The following TSPAN18 variants were observed in gnomAD, a reference collection of about 807,000 sequenced individuals.
TSPAN18 encodes the protein tetraspanin-18.
Under a neutral mutation model 27.3 loss-of-function variants are expected in TSPAN18, and 14 were observed. That is an observed-to-expected ratio of 0.51 (90% CI 0.34 to 0.80). The LOEUF (loss-of-function observed/expected upper bound fraction) is 0.80. TSPAN18 is among the 30% of genes least tolerant of loss of function. The probability of loss-of-function intolerance (pLI) is 0.01; values close to 1 mark genes in which losing one functional copy is unlikely to be tolerated. For synonymous variants in TSPAN18, 143 were observed against 136.5 expected (o/e 1.05, Z -0.33); for missense variants, 268 against 323.9 (o/e 0.83, Z 1.32).
chr11:44,911,830 C>G lies in TSPAN18; in HGVS notation c.258+1931C>G, dbSNP rs1036169520. Among the ~76,000 whole-genome samples the G allele has an allele frequency of 2.6e-5, 4 of 152,178 alleles. No individual in the cohort carries two copies. The South Asian group carries it at 8.3e-4, about 32-fold the overall frequency. On this transcript the variant is annotated intron_variant, in intron 5 of 9. Coordinates refer to ENST00000520358, the MANE Select transcript of TSPAN18 (RefSeq NM_130783.5). ...TGCTATGCGAGGCAGGACTGAGGCC[C>G]AGGGGTAGGAGATGTGTCCACGATC... is the stretch of plus-strand genomic sequence containing the variant.
intron 9 of TSPAN18, 114 bp from the exon 10 acceptor site, chr11:44,929,017 G>C (rs1038654066): frequency 7.6e-7 from 1 of 1,323,388 alleles, no homozygotes; most frequent in Non-Finnish European, 1.1e-6. Flanking sequence ...ATCCTTAGGG[G>C]AGGAGTGTGC....
At chr11:44,826,512 G>C (rs987652860) in intron 2 of TSPAN18, among the ~76,000 whole-genome samples, 17 of 152,204 alleles carry the variant, frequency 1.1e-4, no homozygotes, top group African/African-American at 3.6e-4. Context: ...ATCGCCGGCA[G>C]GTACCACTGA....
intron 2 of TSPAN18, among the ~76,000 whole-genome samples, chr11:44,845,706 C>T (rs1293084008): frequency 2.0e-5 from 3 of 152,238 alleles, no homozygotes; most frequent in Non-Finnish European, 2.9e-5. Flanking sequence ...CCAAGGCTAC[C>T]TGGCCTAGAA....
At chr11:44,771,686 A>G (rs531748567) in intron 2 of TSPAN18, among the ~76,000 whole-genome samples, 1 of 152,308 alleles carries the variant, frequency 6.6e-6, no homozygotes, top group South Asian at 2.1e-4. Context: ...AATATTCTAG[A>G]AAAAAATGCA....
chr11:44,883,960 C>A (rs575773055), intron 3 of TSPAN18, among the ~76,000 whole-genome samples: 1 of 152,326 alleles, frequency 6.6e-6, no homozygotes, highest in Non-Finnish European at 1.5e-5. Flanking sequence ...AAGGTATTTA[C>A]AACCGTTTCT....
In TSPAN18 at chr11:44,788,403, A is replaced by C. The variant is rs562374322; in HGVS notation, c.-153+23891A>C. 7.3e-5 allele frequency among the ~76,000 whole-genome samples: 11 copies of C among 151,404 alleles called. No homozygotes were observed. The South Asian group carries it at 2.3e-3, about 32-fold the overall frequency. ...TAAACGTCAAGAGGCACACGTGACT[A>C]GTGGCTACTATATTGGTCAGTGCAG... On this transcript the variant is annotated intron_variant, in intron 2 of 9. Transcript: ENST00000520358.
chr11:44,910,570 A>G (rs994305970), intron 5 of TSPAN18, among the ~76,000 whole-genome samples: 1 of 152,242 alleles, frequency 6.6e-6, no homozygotes, highest in Non-Finnish European at 1.5e-5. Flanking sequence ...CTTGCTTGCT[A>G]TTAAAAACTC....
At chr11:44,853,519 T>C (rs149926227) in intron 2 of TSPAN18, among the ~76,000 whole-genome samples, 217 of 152,308 alleles carry the variant, frequency 1.4e-3, no homozygotes, top group African/African-American at 5.1e-3. Flanking sequence ...TTTTGCTGTA[T>C]TAAATACTCA....
rs771072114 is a variant in TSPAN18 at position 44,807,727 on chromosome 11, G to T, written c.-153+43215G>T. Reference sequence around the variant, plus strand: ...GTACCTGGGTTTGAATCTCTGCTCCGCTGCCTGCTGGCCTGGTAGCCCTCA... The same window carrying T: ...GTACCTGGGTTTGAATCTCTGCTCCTCTGCCTGCTGGCCTGGTAGCCCTCA... On this transcript the variant is annotated intron_variant, in intron 2 of 9. Coordinates refer to ENST00000520358, the MANE Select transcript of TSPAN18 (RefSeq NM_130783.5). Among the ~76,000 whole-genome samples, 13 of 152,012 alleles carry T rather than the reference G, an allele frequency of 8.6e-5. 1 individual carries two copies. Among genetic ancestry groups the T allele is most frequent in the African/African-American group, 2.7e-4 (11 of 41,378 alleles).
chr11:44,873,609 A>C (rs562688309), intron 3 of TSPAN18, among the ~76,000 whole-genome samples: 144 of 152,356 alleles, frequency 9.5e-4, no homozygotes, highest in African/African-American at 3.4e-3. Context: ...GATGTGGCTG[A>C]AAGCCCAGTC....
At chr11:44,863,096 T>C (rs912315169) in intron 3 of TSPAN18, among the ~76,000 whole-genome samples, 4 of 152,126 alleles carry the variant, frequency 2.6e-5, no homozygotes, top group African/African-American at 7.2e-5. Flanking sequence ...GGTCCAGAGC[T>C]GAAATATAAA....
chr11:44,912,695 T>C (rs1859764964), intron 5 of TSPAN18, among the ~76,000 whole-genome samples: 1 of 152,170 alleles, frequency 6.6e-6, no homozygotes, highest in African/African-American at 2.4e-5. Context: ...TGTATGTGCA[T>C]GTATGTTGTG....
chr11:44,771,877 C>G (rs1384673047), intron 2 of TSPAN18, among the ~76,000 whole-genome samples: 1 of 152,142 alleles, frequency 6.6e-6, no homozygotes, highest in Non-Finnish European at 1.5e-5. Context: ...GGATGGATAC[C>G]TCCGTGGATT....
At chr11:44,811,935 C>T (rs1477815638) in intron 2 of TSPAN18, among the ~76,000 whole-genome samples, 1 of 152,174 alleles carries the variant, frequency 6.6e-6, no homozygotes. Flanking sequence ...GAAGGGTCAG[C>T]TCATTCCCCG....
At position 44,823,735 on chromosome 11, in the gene TSPAN18, G is replaced by A. The variant is rs1293929772; in HGVS notation, c.-152-36593G>A. Reference sequence around the variant, plus strand: ...GGGGACCTGCCCCTATTTGTCTCCTGCTGCTATCAAAAGTAAAGGTCCTGG... The same window carrying A: ...GGGGACCTGCCCCTATTTGTCTCCTACTGCTATCAAAAGTAAAGGTCCTGG... On this transcript the variant is annotated intron_variant, in intron 2 of 9. Transcript: ENST00000520358. Among the ~76,000 whole-genome samples the A allele has an allele frequency of 3.3e-5, 5 of 152,126 alleles. No homozygotes were observed. In the East Asian group the frequency reaches 9.7e-4, roughly 29 times the overall value.
chr11:44,805,446 G>T (rs1294613883), intron 2 of TSPAN18, among the ~76,000 whole-genome samples: 2 of 152,226 alleles, frequency 1.3e-5, no homozygotes, highest in African/African-American at 4.8e-5. Flanking sequence ...GGGTCTTGAT[G>T]CCTAACCTCA....
At chr11:44,844,531 T>C (rs1857441208) in intron 2 of TSPAN18, among the ~76,000 whole-genome samples, 1 of 152,206 alleles carries the variant, frequency 6.6e-6, no homozygotes, top group Non-Finnish European at 1.5e-5. Flanking sequence ...AGCTAACTGG[T>C]GGGTCTGTAG....
chr11:44,868,324 C>A (rs1403378666), intron 3 of TSPAN18, among the ~76,000 whole-genome samples: 2 of 152,182 alleles, frequency 1.3e-5, no homozygotes, highest in African/African-American at 2.4e-5. Context: ...AAACAAAATA[C>A]CATCTGCACA....
chr11:44,821,986 G>T (rs921199622), intron 2 of TSPAN18, among the ~76,000 whole-genome samples: 1 of 152,144 alleles, frequency 6.6e-6, no homozygotes, highest in African/African-American at 2.4e-5. Flanking sequence ...AGGATGGCTG[G>T]GGGTGAAGGC....
Sources: allele counts gnomAD v4.1 joint callset (sites outside exome capture counted in the v4.1 genomes callset), GRCh38; gene constraint gnomAD v4.1.1; transcripts MANE v1.5; gene names NCBI Gene and HGNC (gene_info 2026-07-23, HGNC 2026-07-21).